The following MTARC1 variants were observed in gnomAD, a reference collection of about 807,000 sequenced individuals.
The protein encoded by MTARC1 is mitochondrial amidoxime-reducing component 1.
A neutral mutation model predicts 33.6 loss-of-function variants in MTARC1; 24 were observed. That is an observed-to-expected ratio of 0.72 (90% confidence interval 0.52 to 1.01). The LOEUF (loss-of-function observed/expected upper bound fraction) is 1.01, where lower values mean the gene tolerates loss of function less well. Ranked by LOEUF, MTARC1 falls within the 50% of genes least tolerant of loss-of-function variation. The pLI, the probability that MTARC1 is intolerant of heterozygous loss-of-function variation, is 0.00. For synonymous variants in MTARC1, 187 were observed against 189.5 expected, an observed-to-expected ratio of 0.99 and a Z score of 0.11; for missense variants, 417 against 445.7, an observed-to-expected ratio of 0.94 and a Z score of 0.58.
intron 4 of MTARC1, 45 bp from the exon 5 acceptor site, chr1:220,805,007 G>A (rs1333703363): frequency 1.2e-6 from 2 of 1,601,332 alleles, no homozygotes; most frequent in South Asian, 1.1e-5. Context: ...CGTGTCAGGG[G>A]CAGGGCCCAG....
At chr1:220,795,070 T>C (rs1230106423) in intron 2 of MTARC1, among the ~76,000 whole-genome samples, 1 of 152,270 alleles carries the variant, frequency 6.6e-6, no homozygotes, top group East Asian at 1.9e-4. Context: ...AATATAAAAA[T>C]CCATTTATAC....
chr1:220,798,523 G>C, intron 4 of MTARC1: 1 of 985,432 alleles, frequency 1.0e-6, no homozygotes, highest in Non-Finnish European at 1.2e-6. Flanking sequence ...AGATGTTTGC[G>C]TGGTGACTTA....
At chr1:220,797,237 A>G (rs1182044717) in intron 3 of MTARC1, among the ~76,000 whole-genome samples, 1 of 152,194 alleles carries the variant, frequency 6.6e-6, no homozygotes, top group Admixed American at 6.5e-5. Context: ...AGGATTCATC[A>G]TAAAAGCAGG....
chr1:220,815,120 G>A lies in MTARC1; in HGVS notation c.*1702G>A, dbSNP rs185516706. On this transcript the variant is annotated 3_prime_UTR_variant, in exon 7 of 7. Coordinates refer to ENST00000366910, the MANE Select transcript of MTARC1 (RefSeq NM_022746.4). ...CCTGGGCCATCACCTTCCCCAACAAGTCCAGTTGATGTTGAAACTACAGAT... is the reference window on the plus strand; with the variant it reads ...CCTGGGCCATCACCTTCCCCAACAAATCCAGTTGATGTTGAAACTACAGAT... 7.4e-4 allele frequency: 113 copies of A among 152,366 alleles called. No individual in the cohort carries two copies. Among genetic ancestry groups the A allele is most frequent in the African/African-American group, 2.3e-3 (97 of 41,578 alleles). The allele number at this position is 152,366 out of a possible 1,614,324, so 9.4% of individuals were successfully genotyped here.
intron 2 of MTARC1, among the ~76,000 whole-genome samples, chr1:220,795,682 A>G (rs1340338137): frequency 6.6e-6 from 1 of 152,188 alleles, no homozygotes; most frequent in South Asian, 2.1e-4. Flanking sequence ...TTATATGGCT[A>G]CCTATATAAT....
chr1:220,797,260 A>C (rs1010155419), intron 3 of MTARC1, among the ~76,000 whole-genome samples: 3 of 152,236 alleles, frequency 2.0e-5, no homozygotes. Context: ...TTGTAGTACC[A>C]TATACTGCTT....
Position 220,818,016 on chromosome 1 carries a change from G to C in MTARC1, c.*4598G>C, listed in dbSNP as rs1330969188. Reference sequence around the variant, plus strand: ...AAAGCACTACTGTGCTTTGCTGTCTGCAAGAACAGAGATTGTTTGCTTCAA... The same window carrying C: ...AAAGCACTACTGTGCTTTGCTGTCTCCAAGAACAGAGATTGTTTGCTTCAA... On this transcript the variant is annotated 3_prime_UTR_variant, in exon 7 of 7. Coordinates refer to ENST00000366910, the MANE Select transcript of MTARC1 (RefSeq NM_022746.4). 6.6e-6 allele frequency: 1 copy of C among 152,212 alleles called. No homozygotes were observed. The highest frequency in any genetic ancestry group is 1.5e-5 in the Non-Finnish European group (1 of 68,052). The allele number at this position is 152,212 out of a possible 1,614,324, so 9.4% of individuals were successfully genotyped here.
chr1:220,811,356 C>G (rs772112561), intron 6 of MTARC1, among the ~76,000 whole-genome samples: 6 of 152,182 alleles, frequency 3.9e-5, no homozygotes, highest in Non-Finnish European at 7.3e-5. Flanking sequence ...ATTGTTCAAC[C>G]AACATTATTT....
At position 220,813,483 on chromosome 1, in the gene MTARC1, G is replaced by T; in HGVS notation, c.*65G>T. ...AATGTTCTCAAAAATGACAACACTT[G>T]AAGCATGGTGTTTCAGAACTGAGAC... On this transcript the variant is annotated 3_prime_UTR_variant, in exon 7 of 7. Transcript: ENST00000366910. The T allele has an allele frequency of 6.3e-7, 1 of 1,589,198 alleles. No homozygotes were observed. The highest frequency in any genetic ancestry group is 2.2e-5 in the East Asian group (1 of 44,530).
At chr1:220,788,955 G>C (rs979287287) in intron 1 of MTARC1, among the ~76,000 whole-genome samples, 6 of 152,126 alleles carry the variant, frequency 3.9e-5, no homozygotes, top group Non-Finnish European at 7.3e-5. Flanking sequence ...GCTGGCCTTT[G>C]TACCAGACAC....
At chr1:220,798,822 T>C in intron 4 of MTARC1, 1 of 981,446 alleles carries the variant, frequency 1.0e-6, no homozygotes, top group Non-Finnish European at 1.2e-6. Flanking sequence ...GCCCATTTCC[T>C]CCATAACAGG....
chr1:220,806,724 C>T (rs1352343536), intron 6 of MTARC1, among the ~76,000 whole-genome samples: 1 of 152,238 alleles, frequency 6.6e-6, no homozygotes, highest in Non-Finnish European at 1.5e-5. Flanking sequence ...GAGCATGAGG[C>T]TGTGGCCTGA....
intron 4 of MTARC1, among the ~76,000 whole-genome samples, chr1:220,802,970 C>T (rs1672861098): frequency 6.6e-6 from 1 of 152,200 alleles, no homozygotes; most frequent in African/African-American, 2.4e-5. Flanking sequence ...TCACAAAGGT[C>T]CAAACTTCCC....
intron 6 of MTARC1, among the ~76,000 whole-genome samples, chr1:220,812,947 A>T (rs984703813): frequency 6.6e-6 from 1 of 151,962 alleles, no homozygotes; most frequent in Non-Finnish European, 1.5e-5. Context: ...GATGGTCTTG[A>T]TCTCCATCCT....
intron 4 of MTARC1, among the ~76,000 whole-genome samples, chr1:220,804,499 C>G (rs1672908847): frequency 6.6e-6 from 1 of 152,154 alleles, no homozygotes; most frequent in South Asian, 2.1e-4. Flanking sequence ...CCCACAGCTC[C>G]CCTGGCTGCA....
At chr1:220,812,923 A>G (rs1388941071) in intron 6 of MTARC1, among the ~76,000 whole-genome samples, 1 of 151,904 alleles carries the variant, frequency 6.6e-6, no homozygotes, top group African/African-American at 2.4e-5. Context: ...ATGAGGTTTC[A>G]CCGTGTTAGT....
rs973495277 is a variant in MTARC1 at position 220,815,534 on chromosome 1, G to A, written c.*2116G>A. 1.3e-5 allele frequency: 2 copies of A among 152,238 alleles called. No homozygotes were observed. The highest frequency in any genetic ancestry group is 2.9e-5 in the Non-Finnish European group (2 of 68,054). 9.4% of individuals were successfully genotyped at this position (152,238 alleles called of 1,614,324 possible). On this transcript the variant is annotated 3_prime_UTR_variant, in exon 7 of 7. Transcript: ENST00000366910. The stretch of plus-strand genomic sequence containing the variant: ...CCTGTCCTTCTGTGCCTCACAGTGT[G>A]AGGAAGATTCCTGTTTGAAGAGAGA...
chr1:220,798,845 C>T (rs1188570696), intron 4 of MTARC1: 2 of 985,226 alleles, frequency 2.0e-6, no homozygotes, highest in Non-Finnish European at 2.4e-6. Context: ...AAAATGGAAT[C>T]AAAGCAATTG....
At chr1:220,795,834 A>C (rs966734473) in intron 2 of MTARC1, among the ~76,000 whole-genome samples, 3 of 152,204 alleles carry the variant, frequency 2.0e-5, no homozygotes, top group African/African-American at 7.2e-5. Flanking sequence ...TAAAAGGTAA[A>C]GATTTATTAC....
Sources: allele counts gnomAD v4.1 joint callset (sites outside exome capture counted in the v4.1 genomes callset), GRCh38; gene constraint gnomAD v4.1.1; transcripts MANE v1.5; gene names NCBI Gene and HGNC (gene_info 2026-07-23, HGNC 2026-07-21).